GAREM2: variants seen among roughly 807,000 people sequenced by gnomAD.
GAREM2 encodes the protein GRB2-associated and regulator of MAPK protein 2.
In GAREM2, 30 loss-of-function variants were observed where a neutral mutation model predicts 55.6. The ratio of observed to expected loss-of-function variants is 0.54; its 90% CI spans 0.40 to 0.73. The LOEUF is 0.73. GAREM2 is among the 30% of genes least tolerant of loss of function. The pLI is 0.00. For missense variants in GAREM2, 1,075 were observed against 1,257.7 expected, an observed-to-expected ratio of 0.85 and a Z score of 2.20; for synonymous variants, 550 against 569.1, an observed-to-expected ratio of 0.97 and a Z score of 0.48.
chr2:26,173,192 C>T lies in GAREM2; in HGVS notation c.-29C>T, dbSNP rs1431239075. ...CGCGCGGGACTGACCGTCGGGGCCC[C>T]GGGACGGCGGCCCCGGGGCGCCCAT... is the stretch of plus-strand genomic sequence containing the variant. On this transcript the variant is annotated 5_prime_UTR_variant, in exon 1 of 6. Coordinates refer to ENST00000401533, the MANE Select transcript of GAREM2 (RefSeq NM_001168241.2). 5 of 1,065,600 alleles carry T rather than the reference C, an allele frequency of 4.7e-6. No individual in the cohort carries two copies. Among genetic ancestry groups the T allele is most frequent in the Non-Finnish European group, 6.0e-6 (5 of 835,310 alleles). 66.0% of individuals were successfully genotyped at this position (1,065,600 alleles called of 1,614,324 possible).
intron 2 of GAREM2, chr2:26,181,488 T>A (rs1216058288): frequency 6.6e-6 from 1 of 152,218 alleles, no homozygotes; most frequent in African/African-American, 2.4e-5. Flanking sequence ...GTAGCACTTA[T>A]CACATCCTGC....
chr2:26,201,419 G>A, the GAREM2 span: 1 of 796,314 alleles, frequency 1.3e-6, no homozygotes, highest in African/African-American at 1.7e-5. Flanking sequence ...CACCAACTCT[G>A]TGAGGTAGTT....
chr2:26,176,857 G>A (rs1392569769), intron 2 of GAREM2, among the ~76,000 whole-genome samples: 2 of 152,178 alleles, frequency 1.3e-5, no homozygotes, highest in African/African-American at 4.8e-5. Flanking sequence ...GACCTTTTCT[G>A]TACCGCGCAA....
downstream of GAREM2, chr2:26,192,356 T>C (rs930475617): frequency 6.2e-6 from 10 of 1,610,382 alleles, no homozygotes; most frequent in Non-Finnish European, 8.5e-6. Flanking sequence ...ATACTATCCA[T>C]GTCAGAATTC....
At chr2:26,173,648 T>TGCCCCTGG (rs949951251) in intron 1 of GAREM2, among the ~76,000 whole-genome samples, 1 of 120,632 alleles carries the variant, frequency 8.3e-6, no homozygotes, top group African/African-American at 3.1e-5. Context: ...TTTCCCCCGC[T>TGCCCCTGG]GCCCCTGGGC....
In GAREM2 at chr2:26,173,241, G is replaced by T; in HGVS notation, c.21G>T (p.Gly7=). The change falls in exon 1 of 6, where the codon GGG becomes GGT. Residue 7 remains glycine, a synonymous_variant. Transcript: ENST00000401533. The part of the protein sequence containing the change: MEKLAA[G]LAGLRWSMGA... ...ATGCCATGGAGAAGCTGGCGGCCGG[G>T]CTGGCCGGCCTGCGCTGGAGCATGG... 3.7e-6 allele frequency: 5 copies of T among 1,341,086 alleles called. No individual in the cohort carries two copies. Among genetic ancestry groups the T allele is most frequent in the Non-Finnish European group, 4.8e-6 (5 of 1,043,054 alleles). The allele number at this position is 1,341,086 out of a possible 1,614,324, so 83.1% of individuals were successfully genotyped here. A position where few individuals can be genotyped will look rare whatever the true frequency, so the allele number is the denominator to read the frequency against.
chr2:26,186,899 C>G (rs1409104090), intron 5 of GAREM2, among the ~76,000 whole-genome samples: 1 of 152,166 alleles, frequency 6.6e-6, no homozygotes, highest in Admixed American at 6.5e-5. Flanking sequence ...CGCTTGAACC[C>G]GGGAGGTGGA....
At chr2:26,191,525 T>G (rs202066629), downstream of GAREM2, 1 of 1,614,164 alleles carries the variant, frequency 6.2e-7, no homozygotes, top group South Asian at 1.1e-5. Context: ...ACGGCTCCGA[T>G]GTCTCCCTCT....
intron 3 of GAREM2, 79 bp downstream of exon 3, chr2:26,183,176 T>C: frequency 2.7e-6 from 4 of 1,488,384 alleles, no homozygotes; most frequent in South Asian, 1.2e-5. Context: ...GGTTGGAAGG[T>C]TGCCCTCAGG....
downstream of GAREM2, chr2:26,191,144 GT>G: frequency 8.5e-7 from 1 of 1,173,608 alleles, no homozygotes; most frequent in East Asian, 2.4e-5. Context: ...CAGTGCCGGA[GT>G]TTGTCTTCTC....
chr2:26,204,125 T>C, the GAREM2 span: 2 of 1,613,804 alleles, frequency 1.2e-6, no homozygotes, highest in Non-Finnish European at 1.7e-6. Context: ...AAGTATAGTC[T>C]TTAGCCCCTT....
Position 26,189,416 on chromosome 2 carries a change from A to G in GAREM2, c.*1159A>G, listed in dbSNP as rs921388807. On this transcript the variant is annotated 3_prime_UTR_variant, in exon 6 of 6. Transcript: ENST00000401533. ...AGGGTGCCCACTAGTGTCAGGGCCCAAAGTGCCAGCCTTCTCTTCTGCCTT... is the reference window on the plus strand; with the variant it reads ...AGGGTGCCCACTAGTGTCAGGGCCCGAAGTGCCAGCCTTCTCTTCTGCCTT... 1 of 152,174 alleles carries G rather than the reference A, an allele frequency of 6.6e-6. No individual in the cohort carries two copies. Among genetic ancestry groups the G allele is most frequent in the South Asian group, 2.1e-4 (1 of 4,822 alleles). 9.4% of individuals were successfully genotyped at this position (152,174 alleles called of 1,614,324 possible).
rs760266735 is a variant in GAREM2 at position 26,187,634 on chromosome 2, C to T, written c.2002C>T (p.Pro668Ser). ...ATSGPAYSPG[P>S]ASPGQAYSAA... Reference sequence around the variant, plus strand: ...CTCTGGCCCTGCGTATTCCCCAGGCCCAGCCTCGCCAGGCCAGGCCTATTC... The same window carrying T: ...CTCTGGCCCTGCGTATTCCCCAGGCTCAGCCTCGCCAGGCCAGGCCTATTC... The change falls in exon 6 of 6, where the codon CCA becomes TCA. Residue 668 changes from proline to serine, a missense_variant. By Grantham distance (74) the Pro-to-Ser change is moderately conservative (BLOSUM62 -1). Transcript: ENST00000401533. 60 of 1,548,088 alleles carry T rather than the reference C, an allele frequency of 3.9e-5. 1 individual carries two copies. Among genetic ancestry groups the T allele is most frequent in the Non-Finnish European group, 4.8e-5 (55 of 1,145,162 alleles).
intron 1 of GAREM2, 70 bp from the exon 2 acceptor site, chr2:26,176,274 C>G (rs1668861527): frequency 7.1e-7 from 1 of 1,411,610 alleles, no homozygotes; most frequent in Non-Finnish European, 9.4e-7. Flanking sequence ...ACGTCACTAT[C>G]TGTTCTTTCT....
At chr2:26,183,137 C>T (rs1355126240) in intron 3 of GAREM2, 40 bp downstream of exon 3, 2 of 1,544,602 alleles carry the variant, frequency 1.3e-6, no homozygotes, top group Non-Finnish European at 8.8e-7. Flanking sequence ...CCCCACACTA[C>T]TCCTTGCCTC....
At position 26,179,216 on chromosome 2, in the gene GAREM2, G is replaced by A. The variant is rs1668966549; in HGVS notation, c.253+2732G>A. Among the ~76,000 whole-genome samples, 1 of 152,154 alleles carries A rather than the reference G, an allele frequency of 6.6e-6. No individual in the cohort carries two copies. Among genetic ancestry groups the A allele is most frequent in the Non-Finnish European group, 1.5e-5 (1 of 68,026 alleles). On this transcript the variant is annotated intron_variant, in intron 2 of 5. Coordinates refer to ENST00000401533, the MANE Select transcript of GAREM2 (RefSeq NM_001168241.2). The surrounding 1 kb of genome is among the most constrained non-coding windows in gnomAD (Gnocchi z 4.7). The stretch of plus-strand genomic sequence containing the variant: ...TCCCAGCCCCCGCCCCTGGCCCTGC[G>A]GGAGGGGCCAGGCGTCTTCCCTGAG...
At chr2:26,191,467 A>G (rs145930159), downstream of GAREM2, 8,458 of 1,614,162 alleles carry the variant, frequency 5.2e-3, 41 homozygotes, top group Admixed American at 5.6e-3. Flanking sequence ...CTTCCTTCCC[A>G]ACCTGCGAGA....
intron 1 of GAREM2, among the ~76,000 whole-genome samples, chr2:26,173,868 G>A (rs925219379): frequency 1.4e-4 from 22 of 151,942 alleles, no homozygotes; most frequent in African/African-American, 2.4e-4. Flanking sequence ...AGAGGCCGGC[G>A]GGAGCCGGGT....
the GAREM2 span, among the ~76,000 whole-genome samples, chr2:26,195,423 ATCC>A: frequency 6.6e-6 from 1 of 151,976 alleles, no homozygotes; most frequent in African/African-American, 2.4e-5. Flanking sequence ...GCACATTGGA[ATCC>A]TCCTCTTCCA....
Sources: gnomAD v4.1 joint callset for allele counts (sites outside exome capture counted in the v4.1 genomes callset) on GRCh38, gnomAD v4.1.1 for gene constraint, Gnocchi (gnomAD v3.1) non-coding constraint, MANE v1.5 for transcripts, NCBI Gene and HGNC (gene_info 2026-07-23, HGNC 2026-07-21) for gene names.